LRP1B: variants seen among roughly 807,000 people sequenced by gnomAD.
The protein encoded by LRP1B is low-density lipoprotein receptor-related protein 1B.
LRP1B carries 217 observed loss-of-function variants against 556.6 expected under a neutral mutation model. That is an observed-to-expected ratio of 0.39 (90% CI 0.35 to 0.44). The LOEUF (loss-of-function observed/expected upper bound fraction) is 0.44. Among genes scored for constraint, LRP1B ranks in the 20% least tolerant of loss-of-function variants. The pLI is 1.00. For synonymous variants in LRP1B, 2,047 were observed against 1,865.8 expected (o/e 1.10, Z -2.50); for missense variants, 5,053 against 5,620.8 (o/e 0.90, Z 3.23).
chr2:141,058,458 G>A (rs1699245580), intron 9 of LRP1B, among the ~76,000 whole-genome samples: 1 of 151,786 alleles, frequency 6.6e-6, no homozygotes, highest in Non-Finnish European at 1.5e-5. Flanking sequence ...TAATGAATAT[G>A]TGTTAAAGAA....
chr2:141,514,069 T>C (rs1342035090), intron 2 of LRP1B, among the ~76,000 whole-genome samples: 1 of 152,124 alleles, frequency 6.6e-6, no homozygotes, highest in Non-Finnish European at 1.5e-5. Context: ...ATTCTGGATA[T>C]CCACATTATA....
intron 27 of LRP1B, among the ~76,000 whole-genome samples, chr2:140,857,396 G>T (rs761379541): frequency 2.5e-4 from 38 of 152,046 alleles, no homozygotes; most frequent in Non-Finnish European, 4.7e-4. Flanking sequence ...CTTTAGGAAA[G>T]GACTTATTAG....
intron 3 of LRP1B, among the ~76,000 whole-genome samples, chr2:141,350,533 C>T (rs1428974358): frequency 6.6e-6 from 1 of 151,966 alleles, no homozygotes; most frequent in Non-Finnish European, 1.5e-5. Context: ...CTAAGGCATC[C>T]TAATCTTTTC....
chr2:140,928,904 T>C (rs1694966196), intron 20 of LRP1B, among the ~76,000 whole-genome samples: 1 of 151,912 alleles, frequency 6.6e-6, no homozygotes. Flanking sequence ...ATATATATAA[T>C]GGTAGTGAGT....
chr2:141,468,739 G>A (rs935505375), intron 3 of LRP1B, among the ~76,000 whole-genome samples: 2 of 152,076 alleles, frequency 1.3e-5, no homozygotes, highest in South Asian at 4.1e-4. Context: ...GAACTGTATA[G>A]ATTTTTTCTT....
intron 29 of LRP1B, among the ~76,000 whole-genome samples, chr2:140,847,301 C>T (rs1009321214): frequency 2.0e-5 from 3 of 152,164 alleles, no homozygotes; most frequent in Non-Finnish European, 2.9e-5. Flanking sequence ...GAAGCACTTC[C>T]TTAATTCCCA....
chr2:141,494,141 G>A (rs1222355325), intron 2 of LRP1B, among the ~76,000 whole-genome samples: 1 of 152,126 alleles, frequency 6.6e-6, no homozygotes, highest in Non-Finnish European at 1.5e-5. Context: ...CAGCCTCAAG[G>A]CCTGGTTAGC....
intron 41 of LRP1B, among the ~76,000 whole-genome samples, chr2:140,613,648 C>T (rs1683160487): frequency 1.3e-5 from 2 of 151,348 alleles, no homozygotes; most frequent in Admixed American, 6.6e-5. Flanking sequence ...TAAAGACTCT[C>T]AGACAAAGGA....
At chr2:141,556,502 A>G (rs1054229412) in intron 2 of LRP1B, among the ~76,000 whole-genome samples, 5 of 151,928 alleles carry the variant, frequency 3.3e-5, no homozygotes, top group African/African-American at 1.2e-4. Flanking sequence ...ATCTTCATAG[A>G]GACTTGGTTA....
intron 3 of LRP1B, among the ~76,000 whole-genome samples, chr2:141,392,781 G>A (rs1690101377): frequency 6.6e-6 from 1 of 152,158 alleles, no homozygotes; most frequent in African/African-American, 2.4e-5. Context: ...ACAATTCTGG[G>A]AAGAGGATCT....
chr2:140,914,762 A>G (rs530034086), intron 21 of LRP1B, among the ~76,000 whole-genome samples: 2 of 152,292 alleles, frequency 1.3e-5, no homozygotes, highest in South Asian at 4.1e-4. Flanking sequence ...CCATGTGGCT[A>G]AAGAGAACAA....
At chr2:141,038,976 T>C (rs993166316) in intron 11 of LRP1B, among the ~76,000 whole-genome samples, 5 of 152,058 alleles carry the variant, frequency 3.3e-5, no homozygotes, top group Non-Finnish European at 5.9e-5. Flanking sequence ...GTCTTAACCA[T>C]GGTTTCACCT....
chr2:141,760,778 CTG>C (rs1363471430), intron 2 of LRP1B, among the ~76,000 whole-genome samples: 1 of 152,180 alleles, frequency 6.6e-6, no homozygotes, highest in Non-Finnish European at 1.5e-5. Flanking sequence ...GTGCACAAAA[CTG>C]TGAAGATTCT....
chr2:140,385,804 A>C (rs574887108), intron 67 of LRP1B, 89 bp downstream of exon 67: 1 of 862,364 alleles, frequency 1.2e-6, no homozygotes, highest in African/African-American at 1.7e-5. Context: ...GACAGGTTCA[A>C]ATTTATACCT....
chr2:141,505,847 T>C (rs1055948140), intron 2 of LRP1B, among the ~76,000 whole-genome samples: 8 of 152,120 alleles, frequency 5.3e-5, no homozygotes, highest in Non-Finnish European at 1.0e-4. Flanking sequence ...CAAAGTGGTA[T>C]AGTCTCAAGA....
intron 1 of LRP1B, among the ~76,000 whole-genome samples, chr2:141,906,013 TGTGTGTGTG>T (rs1699749912): frequency 6.6e-6 from 1 of 151,070 alleles, no homozygotes. Context: ...TGTGTGTGTG[TGTGTGTGTG>T]TGTCTGTGTG....
At chr2:140,535,956 A>T (rs972854936) in intron 46 of LRP1B, among the ~76,000 whole-genome samples, 4 of 152,116 alleles carry the variant, frequency 2.6e-5, no homozygotes, top group African/African-American at 9.6e-5. Context: ...GGAGACAGAA[A>T]TAGAATCGAC....
At chr2:141,087,835 A>G (rs550211335) in intron 7 of LRP1B, among the ~76,000 whole-genome samples, 49 of 152,266 alleles carry the variant, frequency 3.2e-4, no homozygotes, top group African/African-American at 1.1e-3. Context: ...ACACTAGTTT[A>G]CAGAGCTACT....
At chr2:141,375,795 C>T (rs1351574643) in intron 3 of LRP1B, among the ~76,000 whole-genome samples, 1 of 152,134 alleles carries the variant, frequency 6.6e-6, no homozygotes, top group Admixed American at 6.5e-5. Context: ...ACTCATATCT[C>T]AGTCTCACAG....
Sources: gnomAD v4.1 joint callset for allele counts (sites outside exome capture counted in the v4.1 genomes callset) on GRCh38, gnomAD v4.1.1 for gene constraint, MANE v1.5 for transcripts, NCBI Gene and HGNC (gene_info 2026-07-23, HGNC 2026-07-21) for gene names.